Variants in ATXN2 observed in about 807,000 individuals in gnomAD.
The protein encoded by ATXN2 is ataxin-2.
In ATXN2, 37 loss-of-function variants were observed where a neutral mutation model predicts 138.6. The ratio of observed to expected loss-of-function variants is 0.27; its 90% CI spans 0.21 to 0.35. The LOEUF is 0.35. ATXN2 is among the 10% of genes least tolerant of loss of function. The pLI is 1.00. For synonymous variants in ATXN2, 549 were observed against 543.7 expected, an observed-to-expected ratio of 1.01 and a Z score of -0.13; for missense variants, 1,216 against 1,480.3, an observed-to-expected ratio of 0.82 and a Z score of 2.93.
chr12:111,469,917 G>A (rs1463519506), intron 20 of ATXN2, 191 bp downstream of exon 20: 2 of 573,176 alleles, frequency 3.5e-6, no homozygotes, highest in East Asian at 2.9e-5. Context: ...TGAAGACCAG[G>A]TACAGAAGTA....
chr12:111,538,166 G>A (rs967585465), intron 5 of ATXN2, among the ~76,000 whole-genome samples: 2 of 151,050 alleles, frequency 1.3e-5, no homozygotes, highest in African/African-American at 2.4e-5. Context: ...CTAGCACTAC[G>A]ATAAAGTGAG....
chr12:111,529,015 G>A (rs1880658402), intron 5 of ATXN2, among the ~76,000 whole-genome samples: 1 of 151,974 alleles, frequency 6.6e-6, no homozygotes, highest in Non-Finnish European at 1.5e-5. Context: ...TGTCACTCAT[G>A]CTGGAGTGTA....
chr12:111,486,954 G>A (rs752451755), intron 15 of ATXN2, 130 bp from the exon 16 acceptor site: 61 of 709,870 alleles, frequency 8.6e-5, no homozygotes, highest in Non-Finnish European at 1.1e-4. Flanking sequence ...ATCACTAATC[G>A]TTTTTATTGA....
intron 1 of ATXN2, among the ~76,000 whole-genome samples, chr12:111,563,660 TAGG>T (rs1055920580): frequency 6.6e-5 from 10 of 152,192 alleles, no homozygotes; most frequent in African/African-American, 2.4e-4. Flanking sequence ...GTGAGATATA[TAGG>T]AGAATTCTTT....
At position 111,488,596 on chromosome 12, in the gene ATXN2, G is replaced by A. The variant is rs962349191; in HGVS notation, c.2120C>T (p.Ser707Leu). The A allele has an allele frequency of 1.9e-6, 3 of 1,614,026 alleles. No homozygotes were observed. The highest frequency in any genetic ancestry group is 2.5e-6 in the Non-Finnish European group (3 of 1,180,036). Reference sequence around the variant, plus strand: ...CTTGTGCTCCGTGTTACTAAGTATTGAAGGGGAAATGCTGGGGCTATTCGG... The same window carrying A: ...CTTGTGCTCCGTGTTACTAAGTATTAAAGGGGAAATGCTGGGGCTATTCGG... ...SKPNSPSISP[S>L]ILSNTEHKRG... The change falls in exon 15 of 25, where the codon TCA becomes TTA. Residue 707 changes from serine (S) to leucine (L), a missense_variant. Ser to Leu is a moderately radical substitution (Grantham distance 145, BLOSUM62 -2). Coordinates refer to ENST00000673436, the MANE Select transcript of ATXN2 (RefSeq NM_001372574.1).
chr12:111,572,065 C>T, intron 1 of ATXN2, among the ~76,000 whole-genome samples: 1 of 147,072 alleles, frequency 6.8e-6, no homozygotes, highest in Admixed American at 6.8e-5. Flanking sequence ...TGCAAACATA[C>T]ACAAAAAAAT....
intron 14 of ATXN2, among the ~76,000 whole-genome samples, chr12:111,499,854 T>C (rs540400368): frequency 6.6e-6 from 1 of 152,244 alleles, no homozygotes; most frequent in South Asian, 2.1e-4. Context: ...AACAGGTATA[T>C]GAAAGGTATT....
At chr12:111,464,412 G>A (rs1875847996) in intron 21 of ATXN2, among the ~76,000 whole-genome samples, 1 of 151,002 alleles carries the variant, frequency 6.6e-6, no homozygotes, top group Non-Finnish European at 1.5e-5. Context: ...GAAAATATTA[G>A]GCATTTCCCA....
chr12:111,538,105 G>GA (rs549612470), intron 5 of ATXN2, among the ~76,000 whole-genome samples: 70 of 132,742 alleles, frequency 5.3e-4, no homozygotes, highest in Admixed American at 1.4e-3. Context: ...CAAAATAGAA[G>GA]AAAAAAAAAA....
intron 14 of ATXN2, among the ~76,000 whole-genome samples, chr12:111,502,829 A>G (rs1388556816): frequency 6.6e-6 from 1 of 152,196 alleles, no homozygotes; most frequent in African/African-American, 2.4e-5. Context: ...TGCTAGTAAG[A>G]ATGAACATGT....
intron 14 of ATXN2, among the ~76,000 whole-genome samples, chr12:111,507,361 T>C (rs2135725222): frequency 6.6e-6 from 1 of 150,682 alleles, no homozygotes; most frequent in African/African-American, 2.4e-5. Context: ...CCGCCCCGTC[T>C]GAGAAGTGAG....
At position 111,483,194 on chromosome 12, in the gene ATXN2, T is replaced by TACACACAC. The variant is rs59840296; in HGVS notation, c.2524+2063_2524+2070dup. Among the ~76,000 whole-genome samples, 398 of 95,406 alleles carry TACACACAC rather than the reference T, an allele frequency of 4.2e-3. 2 individuals carry two copies. The highest frequency in any genetic ancestry group is 9.9e-3 in the East Asian group (19 of 1,926). The allele number at this position is 95,406 out of a possible 152,430, so 62.6% of individuals were successfully genotyped here. ...AAAGCAAGACCCTGTATCAAACACATACACACACACACACACACACACACA... is the reference window on the plus strand; with the variant it reads ...AAAGCAAGACCCTGTATCAAACACATACACACACACACACACACACACACACACACACA... On this transcript the variant is annotated intron_variant, in intron 18 of 24. Coordinates refer to ENST00000673436, the MANE Select transcript of ATXN2 (RefSeq NM_001372574.1).
intron 5 of ATXN2, among the ~76,000 whole-genome samples, chr12:111,526,525 C>T (rs1880516992): frequency 6.6e-6 from 1 of 151,684 alleles, no homozygotes; most frequent in Admixed American, 6.6e-5. Context: ...CTGCCTCAGC[C>T]TCCCAAGTAG....
At chr12:111,597,640 T>G (rs1302384998) in intron 1 of ATXN2, 2 of 446,518 alleles carry the variant, frequency 4.5e-6, no homozygotes, top group Non-Finnish European at 9.0e-6. Context: ...CAGGCCCTCC[T>G]GCACAAACAC....
At position 111,475,678 on chromosome 12, in the gene ATXN2, T is replaced by C. The variant is rs79705398; in HGVS notation, c.2525-4936A>G. Among the ~76,000 whole-genome samples, 103 of 151,676 alleles carry C rather than the reference T, an allele frequency of 6.8e-4. 1 individual carries two copies. The highest frequency in any genetic ancestry group is 2.3e-3 in the African/African-American group (94 of 41,450). On this transcript the variant is annotated intron_variant, in intron 18 of 24. Transcript: ENST00000673436. ...GCCAAGATATATTTTAAAGATCAGT[T>C]GGTTTTAAAAAGGCAACTGATTTTT...
chr12:111,521,696 T>TA (rs1208810155), intron 6 of ATXN2, among the ~76,000 whole-genome samples: 1 of 152,106 alleles, frequency 6.6e-6, no homozygotes, highest in African/African-American at 2.4e-5. Flanking sequence ...TCAGCATAGG[T>TA]AACTCCACAA....
chr12:111,456,408 G>A, intron 22 of ATXN2, 152 bp from the exon 23 acceptor site: 1 of 752,698 alleles, frequency 1.3e-6, no homozygotes, highest in Admixed American at 2.5e-5. Context: ...AGCAAGGCTG[G>A]AGGTGCCTCC....
intron 14 of ATXN2, among the ~76,000 whole-genome samples, chr12:111,499,793 G>A (rs1240523678): frequency 6.6e-6 from 1 of 151,316 alleles, no homozygotes; most frequent in African/African-American, 2.4e-5. Flanking sequence ...CCAGGAGTTC[G>A]AGACCAGCCT....
intron 2 of ATXN2, 67 bp from the exon 3 acceptor site, chr12:111,554,284 G>T: frequency 8.9e-7 from 1 of 1,121,782 alleles, no homozygotes; most frequent in Middle Eastern, 3.0e-4. Flanking sequence ...CATCTAAAAT[G>T]CTTGGGACCA....
Sources: allele counts gnomAD v4.1 joint callset (sites outside exome capture counted in the v4.1 genomes callset), GRCh38; gene constraint gnomAD v4.1.1; transcripts MANE v1.5; gene names NCBI Gene and HGNC (gene_info 2026-07-23, HGNC 2026-07-21).